RARRES1: variants seen among roughly 807,000 people sequenced by gnomAD.
RARRES1 encodes the protein retinoic acid receptor responder 1, also known as retinoic acid receptor responder protein 1.
RARRES1 carries 34 observed loss-of-function variants against 30.6 expected under a neutral mutation model. The ratio of observed to expected loss-of-function variants is 1.11; its 90% CI spans 0.84 to 1.48. The LOEUF is 1.48. Among genes scored for constraint, RARRES1 ranks in the 40% most tolerant of loss-of-function variants. The pLI is 0.00. For synonymous variants in RARRES1, 153 were observed against 155.5 expected (o/e 0.98, Z 0.12); for missense variants, 373 against 386.5 (o/e 0.97, Z 0.29).
intron 1 of RARRES1, among the ~76,000 whole-genome samples, chr3:158,730,995 C>T (rs1381153071): frequency 1.3e-5 from 2 of 152,118 alleles, no homozygotes; most frequent in East Asian, 3.9e-4. Context: ...GTTGGTCAGG[C>T]TGGTCTCGAA....
Position 158,732,283 on chromosome 3 carries a change from C to T in RARRES1, c.133G>A (p.Asp45Asn), listed in dbSNP as rs994336312. 5.9e-6 allele frequency: 8 copies of T among 1,350,604 alleles called. No individual in the cohort carries two copies. The African/African-American group carries it at 1.1e-4, about 18-fold the overall frequency. 83.7% of individuals were successfully genotyped at this position (1,350,604 alleles called of 1,614,324 possible). ...AAPAGSGDPDDPGQPQDAGVP... is the reference protein window; with the variant it reads ...AAPAGSGDPDNPGQPQDAGVP... ...CCAGCATCCTGAGGCTGCCCAGGGT[C>T]GTCGGGGTCCCCGGACCCCGCGGGC... Residue 45 changes from aspartate (D) to asparagine (N), a missense_variant, in exon 1 of 6, where the codon GAC becomes AAC. By Grantham distance (23) the Asp-to-Asn change is conservative. Transcript: ENST00000237696.
chr3:158,703,958 C>T (rs1008798978), intron 4 of RARRES1, among the ~76,000 whole-genome samples: 3 of 152,106 alleles, frequency 2.0e-5, no homozygotes, highest in African/African-American at 7.2e-5. Flanking sequence ...ATTTAGAATG[C>T]CCCAAATCAA....
Position 158,732,453 on chromosome 3 carries a change from G to A in RARRES1, c.-38C>T. On this transcript the variant is annotated 5_prime_UTR_variant, in exon 1 of 6. Transcript: ENST00000237696. The stretch of plus-strand genomic sequence containing the variant: ...GTTGGCTCGGCACCCGACAGACACG[G>A]GCTCGGAGCGGGCAGTGCCGGCGCT... The A allele has an allele frequency of 1.3e-6, 2 of 1,517,100 alleles. No homozygotes were observed. Among genetic ancestry groups the A allele is most frequent in the Non-Finnish European group, 1.8e-6 (2 of 1,137,388 alleles). The allele number at this position is 1,517,100 out of a possible 1,614,324, so 94.0% of individuals were successfully genotyped here.
chr3:158,705,348 A>G (rs935435140), intron 3 of RARRES1, among the ~76,000 whole-genome samples: 8 of 152,134 alleles, frequency 5.3e-5, no homozygotes, highest in African/African-American at 1.9e-4. Context: ...CCTTCTTCCA[A>G]CTGTCGCACA....
rs1727106682 is a variant in RARRES1 at position 158,710,876 on chromosome 3, T to C, written c.397A>G (p.Lys133Glu). Residue 133 changes from lysine (K) to glutamate (E), a missense_variant, in exon 3 of 6, where the codon AAG (lysine) becomes GAG (glutamate). Transcript: ENST00000237696. Reference sequence around the variant, plus strand: ...ATGGTTGGTCTGGGTTTCTGATTCTTGAAAAACACTCGAGCAGAACATTTC... The same window carrying C: ...ATGGTTGGTCTGGGTTTCTGATTCTCGAAAAACACTCGAGCAGAACATTTC... ...LGKCSARVFF[K>E]NQKPRPTINV... is the part of the protein sequence containing the mutation. 6.2e-7 allele frequency: 1 copy of C among 1,614,140 alleles called. No homozygotes were observed. The highest frequency in any genetic ancestry group is 1.3e-5 in the African/African-American group (1 of 75,056).
chr3:158,702,669 C>T (rs1290412199), intron 4 of RARRES1, among the ~76,000 whole-genome samples: 2 of 152,162 alleles, frequency 1.3e-5, no homozygotes, highest in Non-Finnish European at 2.9e-5. Context: ...AACCTCTTCC[C>T]CCTAACTTTA....
At chr3:158,725,422 G>A (rs1188760047) in intron 1 of RARRES1, among the ~76,000 whole-genome samples, 1 of 152,160 alleles carries the variant, frequency 6.6e-6, no homozygotes, top group Non-Finnish European at 1.5e-5. Context: ...AGTCGTTGTG[G>A]GCTGATTATT....
chr3:158,721,276 C>T (rs533838366), intron 1 of RARRES1, among the ~76,000 whole-genome samples: 2 of 152,246 alleles, frequency 1.3e-5, no homozygotes, highest in African/African-American at 4.8e-5. Flanking sequence ...TGGTCTCTTA[C>T]AGGGACTTCA....
intron 1 of RARRES1, among the ~76,000 whole-genome samples, chr3:158,728,593 T>C (rs1408706960): frequency 1.3e-5 from 2 of 151,192 alleles, no homozygotes; most frequent in Non-Finnish European, 2.9e-5. Flanking sequence ...GCATGATCTT[T>C]GCTCACTGCA....
intron 1 of RARRES1, among the ~76,000 whole-genome samples, chr3:158,729,581 C>T (rs973816037): frequency 6.6e-6 from 1 of 152,048 alleles, no homozygotes; most frequent in Non-Finnish European, 1.5e-5. Flanking sequence ...TCCCGAGTAG[C>T]TGGGATTACA....
chr3:158,704,654 C>G, intron 4 of RARRES1, 137 bp downstream of exon 4: 1 of 1,342,026 alleles, frequency 7.5e-7, no homozygotes, highest in Non-Finnish European at 9.8e-7. Context: ...TGGCCCATTG[C>G]AGGAACTCAC....
Position 158,710,796 on chromosome 3 carries a change from G to T in RARRES1, c.477C>A (p.Tyr159Ter). The part of the protein sequence containing the change: ...IEKKKRQQED[Y>*]LLYKQMKQLK... ...GTTGCTTCATTTGCTTGTAAAGCAGGTAATCCTCTTGTTGTCTTTTCTTTT... is the reference window on the plus strand; with the variant it reads ...GTTGCTTCATTTGCTTGTAAAGCAGTTAATCCTCTTGTTGTCTTTTCTTTT... Residue 159 changes from tyrosine to a stop codon, truncating the protein, a stop_gained, in exon 3 of 6, where the codon TAC (tyrosine) becomes TAA (stop). Transcript: ENST00000237696. LOFTEE classifies it high-confidence loss of function. 6.2e-7 allele frequency: 1 copy of T among 1,613,652 alleles called. No homozygotes were observed. Among genetic ancestry groups the T allele is most frequent in the Non-Finnish European group, 8.5e-7 (1 of 1,179,658 alleles).
rs554911724 is a variant in RARRES1, at chr3:158,711,652, A to G, written c.340-719T>C. Among the ~76,000 whole-genome samples, 16 of 146,434 alleles carry G rather than the reference A, an allele frequency of 1.1e-4. No homozygotes were observed. In the South Asian group the frequency reaches 3.0e-3, roughly 28 times the overall value. ...GGAGTCCTGCCTGGGTGGGAGTGCAATGGCACGATCTCGGCTTACTGCAAC... is the reference window on the plus strand; with the variant it reads ...GGAGTCCTGCCTGGGTGGGAGTGCAGTGGCACGATCTCGGCTTACTGCAAC... On this transcript the variant is annotated intron_variant, in intron 2 of 5. Coordinates refer to ENST00000237696, the MANE Select transcript of RARRES1 (RefSeq NM_206963.2).
At chr3:158,730,264 A>G (rs1353963748) in intron 1 of RARRES1, among the ~76,000 whole-genome samples, 2 of 149,914 alleles carry the variant, frequency 1.3e-5, no homozygotes, top group East Asian at 2.0e-4. Flanking sequence ...AGGTTGCAGT[A>G]AGCCGAGATC....
At chr3:158,731,721 T>C (rs1727894290) in intron 1 of RARRES1, among the ~76,000 whole-genome samples, 1 of 152,238 alleles carries the variant, frequency 6.6e-6, no homozygotes, top group African/African-American at 2.4e-5. Context: ...CCCAAAACTT[T>C]GGCTGCAGCC....
At chr3:158,726,233 G>C (rs1727678311) in intron 1 of RARRES1, among the ~76,000 whole-genome samples, 1 of 152,122 alleles carries the variant, frequency 6.6e-6, no homozygotes, top group African/African-American at 2.4e-5. Flanking sequence ...CTAGTCTCCT[G>C]AATCACCTCA....
At position 158,716,005 on chromosome 3, in the gene RARRES1, G is replaced by A. The variant is rs190223736; in HGVS notation, c.277-2146C>T. Among the ~76,000 whole-genome samples the A allele has an allele frequency of 1.1e-4, 17 of 152,318 alleles. No individual in the cohort carries two copies. The East Asian group carries it at 3.1e-3, about 28-fold the overall frequency. On this transcript the variant is annotated intron_variant, in intron 1 of 5. Transcript: ENST00000237696. ...GTGGGTTCTAAGCCTTGAATGGGTC[G>A]CTGCACCCCGCACCTGCTATGTGCA... is the stretch of plus-strand genomic sequence containing the variant.
At chr3:158,726,511 A>G (rs985606585) in intron 1 of RARRES1, among the ~76,000 whole-genome samples, 1 of 152,180 alleles carries the variant, frequency 6.6e-6, no homozygotes, top group African/African-American at 2.4e-5. Context: ...TTTGCTCCCA[A>G]ACTTGCATAT....
intron 4 of RARRES1, among the ~76,000 whole-genome samples, chr3:158,699,185 C>G (rs149612984): frequency 6.6e-6 from 1 of 152,128 alleles, no homozygotes. Flanking sequence ...CCTGCTTGCA[C>G]CCTCTTCTGC....
Sources: gnomAD v4.1 joint callset for allele counts (sites outside exome capture counted in the v4.1 genomes callset) on GRCh38, gnomAD v4.1.1 for gene constraint, MANE v1.5 for transcripts, NCBI Gene and HGNC (gene_info 2026-07-23, HGNC 2026-07-21) for gene names.